DHRSX: variants seen among roughly 807,000 people sequenced by gnomAD.
The protein encoded by DHRSX is dehydrogenase/reductase X-linked.
A neutral mutation model predicts 34.0 loss-of-function variants in DHRSX; 31 were observed. The ratio of observed to expected loss-of-function variants is 0.91; its 90% CI spans 0.69 to 1.23. The LOEUF (loss-of-function observed/expected upper bound fraction) is 1.23. Ranked by LOEUF, DHRSX falls within the 50% of genes most tolerant of loss-of-function variation. The pLI is 0.00. For synonymous variants in DHRSX, 201 were observed against 183.8 expected (o/e 1.09, Z -0.76); for missense variants, 414 against 428.1 (o/e 0.97, Z 0.29).
chrX:2,465,809 CAAAA>C lies in DHRSX; in HGVS notation c.109+35004_109+35007del, dbSNP rs375728172. Among the ~76,000 whole-genome samples the C allele has an allele frequency of 1.4e-4, 12 of 84,728 alleles. 1 individual carries two copies. The highest frequency in any genetic ancestry group is 2.5e-4 in the Admixed American group (2 of 7,988). 55.6% of individuals were successfully genotyped at this position (84,728 alleles called of 152,430 possible). A position where few individuals can be genotyped will look rare whatever the true frequency, so the allele number is the denominator to read the frequency against. ...GGGCAACAAGAGCAAAACTCCATCG[CAAAA>C]AAAAAAAAAAAAAGAGAAAAGAAAA... On this transcript the variant is annotated intron_variant, in intron 1 of 6. Transcript: ENST00000334651.
At chrX:2,243,794 T>TGTTTTGTTTTG (rs2016205974) in intron 5 of DHRSX, among the ~76,000 whole-genome samples, 1 of 9,982 alleles carries the variant, frequency 1.0e-4, no homozygotes, top group Admixed American at 1.0e-3. Flanking sequence ...CCCTGTTTTT[T>TGTTTTGTTTTG]TTTTTTTTTT....
chrX:2,455,333 C>T (rs1311355013), intron 1 of DHRSX, among the ~76,000 whole-genome samples: 1 of 151,916 alleles, frequency 6.6e-6, no homozygotes, highest in Admixed American at 6.6e-5. Flanking sequence ...GAAAAATTAC[C>T]TATCAGGTGG....
At chrX:2,294,652 A>C (rs1355567593) in intron 3 of DHRSX, among the ~76,000 whole-genome samples, 1 of 135,892 alleles carries the variant, frequency 7.4e-6, no homozygotes, top group Non-Finnish European at 1.6e-5. Flanking sequence ...GTGACAGAGC[A>C]AGACTCTGTC....
chrX:2,299,422 G>A (rs1285953551), intron 3 of DHRSX, among the ~76,000 whole-genome samples: 5 of 152,060 alleles, frequency 3.3e-5, no homozygotes, highest in Non-Finnish European at 7.4e-5. Flanking sequence ...CACGCTTCCC[G>A]TAGCCCACAC....
intron 3 of DHRSX, among the ~76,000 whole-genome samples, chrX:2,309,147 C>G (rs1469636522): frequency 1.3e-5 from 2 of 151,812 alleles, no homozygotes; most frequent in African/African-American, 2.4e-5. Context: ...AGACCAATAG[C>G]TATAAGAAAA....
rs189761939 is a variant in DHRSX at position 2,226,901 on chromosome X, C to A, written c.805-5672G>T. 5.9e-5 allele frequency among the ~76,000 whole-genome samples: 9 copies of A among 152,218 alleles called. 1 individual carries two copies. In the East Asian group the frequency reaches 1.7e-3, roughly 29 times the overall value. ...AGGTAGGGAAAACAGCAAAGCAACTCATCGTTCTCAGAGTCGCTTTTGTTA... is the reference window on the plus strand; with the variant it reads ...AGGTAGGGAAAACAGCAAAGCAACTAATCGTTCTCAGAGTCGCTTTTGTTA... On this transcript the variant is annotated intron_variant, in intron 6 of 6. Transcript: ENST00000334651.
chrX:2,270,335 T>C lies in DHRSX; in HGVS notation c.389-3388A>G, dbSNP rs188126170. 1.6e-3 allele frequency among the ~76,000 whole-genome samples: 248 copies of C among 152,218 alleles called. 1 individual carries two copies. Among genetic ancestry groups the C allele is most frequent in the African/African-American group, 5.7e-3 (236 of 41,544 alleles). ...CTTATCGACCCAACTTTGGAACTCC[T>C]ACAGAGTTGTCACCACTGCCCCATT... On this transcript the variant is annotated intron_variant, in intron 4 of 6. Coordinates refer to ENST00000334651, the MANE Select transcript of DHRSX (RefSeq NM_145177.3).
intron 3 of DHRSX, chrX:2,334,346 G>A (rs1569490420): frequency 6.6e-6 from 1 of 151,788 alleles, no homozygotes; most frequent in Non-Finnish European, 1.5e-5. Flanking sequence ...GGTATTTTTA[G>A]TAGAGACGGA....
intron 1 of DHRSX, among the ~76,000 whole-genome samples, chrX:2,485,292 A>C (rs1171417648): frequency 6.6e-6 from 1 of 152,080 alleles, no homozygotes; most frequent in Non-Finnish European, 1.5e-5. Context: ...GCAAATGCTT[A>C]GTTATGAGGA....
intron 1 of DHRSX, among the ~76,000 whole-genome samples, chrX:2,443,961 A>G (rs900260891): frequency 2.7e-5 from 4 of 149,844 alleles, no homozygotes; most frequent in African/African-American, 9.9e-5. Context: ...AGCTGAGATC[A>G]CACCCTGCAC....
chrX:2,282,908 A>G (rs2080052979), intron 4 of DHRSX, among the ~76,000 whole-genome samples: 1 of 151,346 alleles, frequency 6.6e-6, no homozygotes, highest in South Asian at 2.1e-4. Flanking sequence ...AGGGAGGTCG[A>G]GAGCAAAATA....
chrX:2,246,820 G>C (rs2016309608), intron 5 of DHRSX, among the ~76,000 whole-genome samples: 1 of 151,900 alleles, frequency 6.6e-6, no homozygotes, highest in African/African-American at 2.4e-5. Flanking sequence ...ATCTGGAGAA[G>C]AAAAATGAAA....
rs73173794 is a variant in DHRSX, at chrX:2,438,672, T to A, written c.110-13368A>T. ...GACAGAGCAAGACTCCATCTCAAAATAAAAAAAAAAAAAATGGTCGTTCAT... is the reference window on the plus strand; with the variant it reads ...GACAGAGCAAGACTCCATCTCAAAAAAAAAAAAAAAAAAATGGTCGTTCAT... On this transcript the variant is annotated intron_variant, in intron 1 of 6. Coordinates refer to ENST00000334651, the MANE Select transcript of DHRSX (RefSeq NM_145177.3). 5.2e-3 allele frequency among the ~76,000 whole-genome samples: 730 copies of A among 141,090 alleles called. 1 individual carries two copies. The highest frequency in any genetic ancestry group is 6.0e-3 in the Non-Finnish European group (384 of 64,424). 92.6% of individuals were successfully genotyped at this position (141,090 alleles called of 152,430 possible).
At chrX:2,435,264 G>A (rs1335336278) in intron 1 of DHRSX, among the ~76,000 whole-genome samples, 2 of 151,970 alleles carry the variant, frequency 1.3e-5, no homozygotes, top group Non-Finnish European at 2.9e-5. Flanking sequence ...CACAGAACTC[G>A]GTACAAAAAC....
chrX:2,313,454 C>T (rs189766317), intron 3 of DHRSX, among the ~76,000 whole-genome samples: 82 of 150,376 alleles, frequency 5.5e-4, no homozygotes, highest in Non-Finnish European at 3.7e-4. Flanking sequence ...CTGCAACCTC[C>T]GCCTCCCAGG....
intron 1 of DHRSX, among the ~76,000 whole-genome samples, chrX:2,425,945 G>C (rs2043841024): frequency 6.6e-6 from 1 of 152,120 alleles, no homozygotes; most frequent in African/African-American, 2.4e-5. Flanking sequence ...GCAGGCTCTG[G>C]GGCATAGGGG....
chrX:2,388,114 G>A (rs1173816487), intron 3 of DHRSX, among the ~76,000 whole-genome samples: 1 of 152,068 alleles, frequency 6.6e-6, no homozygotes, highest in Admixed American at 6.6e-5. Flanking sequence ...GAAGGGAGTG[G>A]TATGGGTTTG....
At chrX:2,309,042 T>C (rs1282461203) in intron 3 of DHRSX, among the ~76,000 whole-genome samples, 1 of 152,164 alleles carries the variant, frequency 6.6e-6, no homozygotes, top group African/African-American at 2.4e-5. Context: ...CCTGATAATA[T>C]GTTACATTTG....
chrX:2,366,381 G>C (rs181412233), intron 3 of DHRSX, among the ~76,000 whole-genome samples: 1 of 151,632 alleles, frequency 6.6e-6, no homozygotes, highest in Non-Finnish European at 1.5e-5. Context: ...TGGAGGCTAC[G>C]GTGAGCCGAG....
Sources: gnomAD v4.1 joint callset for allele counts (sites outside exome capture counted in the v4.1 genomes callset) on GRCh38, gnomAD v4.1.1 for gene constraint, MANE v1.5 for transcripts, NCBI Gene and HGNC (gene_info 2026-07-23, HGNC 2026-07-21) for gene names.